RAB3C: variants seen among roughly 807,000 people sequenced by gnomAD.
RAB3C encodes the protein RAB3C, member RAS oncogene family, also known as ras-related protein Rab-3C.
Under a neutral mutation model 26.4 loss-of-function variants are expected in RAB3C, and 17 were observed. That is an observed-to-expected ratio of 0.64 (90% CI 0.44 to 0.97). The LOEUF (loss-of-function observed/expected upper bound fraction) is 0.97, where lower values mean the gene tolerates loss of function less well. Ranked by LOEUF, RAB3C falls within the 50% of genes least tolerant of loss-of-function variation. The probability of loss-of-function intolerance (pLI) is 0.00; values close to 1 mark genes in which losing one functional copy is unlikely to be tolerated. For missense variants in RAB3C, 242 were observed against 281.9 expected (o/e 0.86, Z 1.01); for synonymous variants, 91 against 95.9 (o/e 0.95, Z 0.30).
At chr5:58,742,598 G>T (rs902857284) in intron 3 of RAB3C, among the ~76,000 whole-genome samples, 4 of 152,166 alleles carry the variant, frequency 2.6e-5, no homozygotes, top group African/African-American at 9.7e-5. Flanking sequence ...TAAGCAACTT[G>T]AAAACATAGA....
intron 1 of RAB3C, among the ~76,000 whole-genome samples, chr5:58,600,910 C>T (rs898742568): frequency 1.3e-5 from 2 of 152,058 alleles, no homozygotes; most frequent in African/African-American, 4.8e-5. Flanking sequence ...AGTGGGCATC[C>T]TTGTCTTGTT....
At chr5:58,591,145 G>A (rs1412213110) in intron 1 of RAB3C, among the ~76,000 whole-genome samples, 2 of 152,088 alleles carry the variant, frequency 1.3e-5, no homozygotes, top group African/African-American at 2.4e-5. Flanking sequence ...TAAAATTGTT[G>A]ACTTGTTTTT....
At chr5:58,635,403 A>T (rs529051691) in intron 2 of RAB3C, among the ~76,000 whole-genome samples, 1 of 152,344 alleles carries the variant, frequency 6.6e-6, no homozygotes, top group Admixed American at 6.5e-5. Context: ...GAAAGCAGTG[A>T]ATTGGTGACT....
Position 58,745,427 on chromosome 5 carries a change from GATGGGGTAT to G in RAB3C, c.371+19309_371+19317del, listed in dbSNP as rs1741383587. Among the ~76,000 whole-genome samples the G allele has an allele frequency of 4.4e-4, 57 of 128,218 alleles. 1 individual carries two copies. In the South Asian group the frequency reaches 0.015, roughly 33 times the overall value. The allele number at this position is 128,218 out of a possible 152,430, so 84.1% of individuals were successfully genotyped here. ...AAAAAAAAAAAAAAAAAAGAAAGTAGATGGGGTATAATAAGCCCAAGTACCTTTCTTCAT... is the reference window on the plus strand; with the variant it reads ...AAAAAAAAAAAAAAAAAAGAAAGTAGAATAAGCCCAAGTACCTTTCTTCAT... On this transcript the variant is annotated intron_variant, in intron 3 of 4. Transcript: ENST00000282878.
Position 58,720,956 on chromosome 5 carries a change from C to G in RAB3C, c.253-5046C>G, listed in dbSNP as rs542792519. Among the ~76,000 whole-genome samples, 7 of 151,886 alleles carry G rather than the reference C, an allele frequency of 4.6e-5. No individual in the cohort carries two copies. In the East Asian group the frequency reaches 1.2e-3, roughly 25 times the overall value. Reference sequence around the variant, plus strand: ...GACTGCTATTTCCTCAGTTTTAAAACTGAATGTTATTTCTGCATGACCTTA... The same window carrying G: ...GACTGCTATTTCCTCAGTTTTAAAAGTGAATGTTATTTCTGCATGACCTTA... On this transcript the variant is annotated intron_variant, in intron 2 of 4. Transcript: ENST00000282878.
intron 2 of RAB3C, among the ~76,000 whole-genome samples, chr5:58,655,790 T>C (rs1747755878): frequency 1.7e-5 from 1 of 59,520 alleles, no homozygotes; most frequent in Admixed American, 1.4e-4. Flanking sequence ...AACCTAACTC[T>C]TTTTTTTTTT....
At chr5:58,754,503 C>T (rs1356500329) in intron 3 of RAB3C, among the ~76,000 whole-genome samples, 1 of 152,038 alleles carries the variant, frequency 6.6e-6, no homozygotes, top group Non-Finnish European at 1.5e-5. Flanking sequence ...CAGCCCAGGG[C>T]CAGTTTAGTA....
At chr5:58,737,394 A>AATATATAT (rs55691242) in intron 3 of RAB3C, among the ~76,000 whole-genome samples, 1 of 38,274 alleles carries the variant, frequency 2.6e-5, no homozygotes, top group Non-Finnish European at 6.3e-5. Context: ...CACCCTATGA[A>AATATATAT]ATATATATAT....
In RAB3C at chr5:58,598,590, G is replaced by T. The variant is rs558279892; in HGVS notation, c.24+15358G>T. Among the ~76,000 whole-genome samples the T allele has an allele frequency of 3.3e-5, 5 of 152,176 alleles. No homozygotes were observed. In the South Asian group the frequency reaches 1.0e-3, roughly 32 times the overall value. On this transcript the variant is annotated intron_variant, in intron 1 of 4. Transcript: ENST00000282878. ...TTATTCAGTGTCAGGCAGTGTTCTA[G>T]GACAGGTCCTATCACAGGGAATATG...
rs374905919 is a variant in RAB3C at position 58,597,595 on chromosome 5, T to C, written c.24+14363T>C. ...GCATATAACAATATATAGTTCATTA[T>C]ATATAAGCATATAACAATATATAGT... On this transcript the variant is annotated intron_variant, in intron 1 of 4. Coordinates refer to ENST00000282878, the MANE Select transcript of RAB3C (RefSeq NM_138453.4). Among the ~76,000 whole-genome samples, 78 of 83,184 alleles carry C rather than the reference T, an allele frequency of 9.4e-4. 1 individual carries two copies. Among genetic ancestry groups the C allele is most frequent in the African/African-American group, 1.4e-3 (45 of 32,982 alleles). The allele number at this position is 83,184 out of a possible 152,430, so 54.6% of individuals were successfully genotyped here.
intron 2 of RAB3C, among the ~76,000 whole-genome samples, chr5:58,623,449 A>G (rs1334930097): frequency 6.6e-6 from 1 of 152,228 alleles, no homozygotes; most frequent in Non-Finnish European, 1.5e-5. Context: ...ACAGCTGCCA[A>G]GACCATTCTT....
chr5:58,765,943 C>A (rs1741892169), intron 3 of RAB3C, among the ~76,000 whole-genome samples: 1 of 152,082 alleles, frequency 6.6e-6, no homozygotes, highest in Non-Finnish European at 1.5e-5. Flanking sequence ...AGCACCTCCC[C>A]CTGCCCACTC....
rs1340067411 is a variant in RAB3C at position 58,797,350 on chromosome 5, AAAAATATGTATATATATAATATAT to A, written c.372-27686_372-27663del. 4.6e-4 allele frequency among the ~76,000 whole-genome samples: 5 copies of A among 10,764 alleles called. 1 individual carries two copies. The highest frequency in any genetic ancestry group is 2.1e-3 in the South Asian group (1 of 466). 7.1% of individuals were successfully genotyped at this position (10,764 alleles called of 152,430 possible). A position where few individuals can be genotyped will look rare whatever the true frequency, so the allele number is the denominator to read the frequency against. Reference sequence around the variant, plus strand: ...GACTCCCTGGAAGACAAAAAAAAAAAAAAATATGTATATATATAATATATATATATATATATATATATATATACA... The same window carrying A: ...GACTCCCTGGAAGACAAAAAAAAAAAATATATATATATATATATATATACA... On this transcript the variant is annotated intron_variant, in intron 3 of 4. Coordinates refer to ENST00000282878, the MANE Select transcript of RAB3C (RefSeq NM_138453.4).
intron 3 of RAB3C, among the ~76,000 whole-genome samples, chr5:58,738,961 A>G (rs1407839853): frequency 2.0e-5 from 3 of 152,166 alleles, no homozygotes; most frequent in African/African-American, 7.2e-5. Flanking sequence ...CCTGTCACAT[A>G]ACTCCTCAGA....
chr5:58,772,861 A>G (rs1742056525), intron 3 of RAB3C, among the ~76,000 whole-genome samples: 1 of 152,184 alleles, frequency 6.6e-6, no homozygotes, highest in Admixed American at 6.6e-5. Flanking sequence ...GTGGAGAAGT[A>G]AAATCTTTTT....
chr5:58,837,401 C>T (rs1743773000), intron 4 of RAB3C, among the ~76,000 whole-genome samples: 1 of 151,982 alleles, frequency 6.6e-6, no homozygotes, highest in African/African-American at 2.4e-5. Context: ...AGGCTGGTCT[C>T]GAACTCCTGA....
chr5:58,757,931 G>GTTGTTTTGTT (rs111469253), intron 3 of RAB3C, among the ~76,000 whole-genome samples: 4,505 of 151,248 alleles, frequency 0.03, 86 homozygotes, highest in Middle Eastern at 0.058. Context: ...TGTTGTTGTT[G>GTTGTTTTGTT]TTGTTTTGTT....
intron 2 of RAB3C, among the ~76,000 whole-genome samples, chr5:58,693,103 G>A (rs917024747): frequency 5.4e-5 from 8 of 148,980 alleles, no homozygotes; most frequent in Middle Eastern, 3.5e-3. Context: ...GTGAAACTCC[G>A]TCTCAAAATA....
intron 3 of RAB3C, among the ~76,000 whole-genome samples, chr5:58,805,521 G>A (rs1259979618): frequency 2.0e-5 from 3 of 146,668 alleles, no homozygotes; most frequent in East Asian, 2.0e-4. Flanking sequence ...GGAGGCAGAC[G>A]TTGCAGTGAG....
Sources: allele counts gnomAD v4.1 joint callset (sites outside exome capture counted in the v4.1 genomes callset), GRCh38; gene constraint gnomAD v4.1.1; transcripts MANE v1.5; gene names NCBI Gene and HGNC (gene_info 2026-07-23, HGNC 2026-07-21).